CEP295NL: variants seen among roughly 807,000 people sequenced by gnomAD.
The protein encoded by CEP295NL is protein DDC8 homolog.
A neutral mutation model predicts 4.6 loss-of-function variants in CEP295NL; 3 were observed. The observed-to-expected ratio is 0.65, with a 90% CI of 0.30 to 1.69. The LOEUF is 1.69. Ranked by LOEUF, CEP295NL falls within the 40% of genes most tolerant of loss-of-function variation. The probability of loss-of-function intolerance (pLI) is 0.10; values close to 1 mark genes in which losing one functional copy is unlikely to be tolerated. For synonymous variants in CEP295NL, 295 were observed against 312.2 expected, an observed-to-expected ratio of 0.94 and a Z score of 0.58; for missense variants, 719 against 769.0, an observed-to-expected ratio of 0.93 and a Z score of 0.77.
chr17:78,892,109 A>G lies in CEP295NL; in HGVS notation c.395T>C (p.Leu132Pro). 6.4e-7 allele frequency: 1 copy of G among 1,551,590 alleles called. No homozygotes were observed. Among genetic ancestry groups the G allele is most frequent in the Non-Finnish European group, 8.7e-7 (1 of 1,147,646 alleles). ...CCAGCCCAACAGACGTGCTGACTGC[A>G]GCCTGTCCAGGCCACCGACGTGCAG... is the stretch of plus-strand genomic sequence containing the variant. ...QHLHVGGLDR[L>P]QSARLLGWGG... Residue 132 changes from leucine to proline, a missense_variant, in exon 3 of 3, where the codon CTG (leucine) becomes CCG (proline). Leu to Pro is a moderately conservative substitution (Grantham distance 98). Coordinates refer to ENST00000322630, the MANE Select transcript of CEP295NL (RefSeq NM_001243540.2).
chr17:78,899,103 T>C (rs2070048520), intron 2 of CEP295NL: 2 of 152,266 alleles, frequency 1.3e-5, no homozygotes, highest in African/African-American at 4.8e-5. Context: ...ACTCTGCATC[T>C]CTAAAGCGCT....
At chr17:78,893,875 G>T (rs1286398001) in intron 2 of CEP295NL, among the ~76,000 whole-genome samples, 1 of 152,122 alleles carries the variant, frequency 6.6e-6, no homozygotes. Flanking sequence ...AAAACAGTAC[G>T]GGATTGTGTC....
At chr17:78,894,077 T>A (rs747793456) in intron 2 of CEP295NL, among the ~76,000 whole-genome samples, 9 of 151,924 alleles carry the variant, frequency 5.9e-5, no homozygotes, top group Admixed American at 3.9e-4. Context: ...GTTGCAGGAG[T>A]CAGAAAATAC....
At chr17:78,897,198 T>A (rs532084491) in intron 2 of CEP295NL, 2 of 163,760 alleles carry the variant, frequency 1.2e-5, no homozygotes, top group African/African-American at 2.4e-5. Context: ...ATCACAGTCA[T>A]AGGGAGTGTG....
At chr17:78,897,794 C>T (rs1006436315) in intron 2 of CEP295NL, 1 of 152,244 alleles carries the variant, frequency 6.6e-6, no homozygotes, top group African/African-American at 2.4e-5. Flanking sequence ...AGACACGACA[C>T]AGGCCATACC....
rs7215038 is a variant in CEP295NL, at chr17:78,894,201, C to G, written c.45-1742G>C. ...TGAGATACGAAGCTCCTACCCCCCC[C>G]GGTTCACAGACAGGGAAACTGAGGC... is the stretch of plus-strand genomic sequence containing the variant. On this transcript the variant is annotated intron_variant, in intron 2 of 2. Coordinates refer to ENST00000322630, the MANE Select transcript of CEP295NL (RefSeq NM_001243540.2). Among the ~76,000 whole-genome samples the G allele has an allele frequency of 3.3e-5, 5 of 152,030 alleles. No homozygotes were observed. In the East Asian group the frequency reaches 7.7e-4, roughly 24 times the overall value.
intron 2 of CEP295NL, among the ~76,000 whole-genome samples, chr17:78,893,259 AGG>A (rs1491418018): frequency 5.0e-5 from 5 of 99,614 alleles, no homozygotes; most frequent in African/African-American, 1.9e-4. Flanking sequence ...GTGTGTGTGC[AGG>A]GGTGTGTGTG....
chr17:78,902,602 G>A (rs919164457), intron 1 of CEP295NL: 1 of 152,438 alleles, frequency 6.6e-6, no homozygotes, highest in Non-Finnish European at 1.5e-5. Flanking sequence ...CAGCCTCTGG[G>A]GGCAAGCTCG....
chr17:78,893,214 T>G lies in CEP295NL; in HGVS notation c.45-755A>C, dbSNP rs1288683622. ...GTGTGTGCAAGGATGTGTGTGCATG[T>G]GTGTGCAGGGGTGTGTGTGCATGTG... On this transcript the variant is annotated intron_variant, in intron 2 of 2. Transcript: ENST00000322630. 8.6e-4 allele frequency among the ~76,000 whole-genome samples: 114 copies of G among 132,966 alleles called. 2 individuals are homozygous for G. Among genetic ancestry groups the G allele is most frequent in the African/African-American group, 3.1e-3 (106 of 33,730 alleles). The allele number at this position is 132,966 out of a possible 152,430, so 87.2% of individuals were successfully genotyped here.
In CEP295NL at chr17:78,901,934, C is replaced by G. The variant is rs576778708; in HGVS notation, c.-98-8G>C. ...GTAGTGAGACGCCCATCACTGGAGG[C>G]ATCCGAACCAAGCCCAGATAAAACA... On this transcript the variant is annotated splice_region_variant and splice_polypyrimidine_tract_variant and intron_variant, in intron 1 of 2. Transcript: ENST00000322630. 36 of 608,886 alleles carry G rather than the reference C, an allele frequency of 5.9e-5. No individual in the cohort carries two copies. In the African/African-American group the frequency reaches 6.2e-4, roughly 10 times the overall value. 37.7% of individuals were successfully genotyped at this position (608,886 alleles called of 1,614,324 possible). A position where few individuals can be genotyped will look rare whatever the true frequency, so the allele number is the denominator to read the frequency against.
intron 1 of CEP295NL, among the ~76,000 whole-genome samples, chr17:78,902,462 C>A (rs139016248): frequency 6.6e-6 from 1 of 152,140 alleles, no homozygotes; most frequent in South Asian, 2.1e-4. Context: ...GGGTGGGTCA[C>A]GTTAGAATGA....
rs115966828 is a variant in CEP295NL, at chr17:78,891,023, T to C, written c.1481A>G (p.Asp494Gly). 2,208 of 1,551,210 alleles carry C rather than the reference T, an allele frequency of 1.4e-3. 27 individuals are homozygous for C. The African/African-American group carries it at 0.028, about 19-fold the overall frequency. The change falls in exon 3 of 3, where the codon GAC (aspartate) becomes GGC (glycine). Residue 494 changes from aspartate to glycine, a missense_variant. Physicochemically the swap from Asp to Gly is moderately conservative, Grantham distance 94. Transcript: ENST00000322630. The surrounding 1 kb of genome is among the most constrained non-coding windows in gnomAD (Gnocchi z 4.5). ...CCTGGATGCCGTCGAGCCCACTCTG[T>C]CTGCCTGGTCTTGAAGGTGGAGCTG... is the stretch of plus-strand genomic sequence containing the variant. ...SLQLHLQDQA[D>G]RVGSTASRQR...
chr17:78,900,003 CTCTG>C (rs1281602431), intron 2 of CEP295NL: 3 of 152,192 alleles, frequency 2.0e-5, no homozygotes, highest in Non-Finnish European at 2.9e-5. Flanking sequence ...TTAGACATTT[CTCTG>C]TCTAAGGCGC....
At chr17:78,892,502 C>T in intron 2 of CEP295NL, 43 bp from the exon 3 acceptor site, 5 of 1,507,622 alleles carry the variant, frequency 3.3e-6, no homozygotes, top group Non-Finnish European at 4.4e-6. Context: ...AGATCGCTCC[C>T]AGGAGAGTGA....
chr17:78,893,224 GGTGTGTGTGCATGT>G (rs2069935384), intron 2 of CEP295NL, among the ~76,000 whole-genome samples: 1 of 135,224 alleles, frequency 7.4e-6, no homozygotes. Context: ...TGTGTGCAGG[GGTGTGTGTGCATGT>G]GTGTGTAGGA....
chr17:78,892,267 C>T lies in CEP295NL; in HGVS notation c.237G>A (p.Lys79=), dbSNP rs1272814833. The change falls in exon 3 of 3, where the codon AAG becomes AAA. Residue 79 remains lysine, a synonymous_variant. Transcript: ENST00000322630. ...TGCCCCGGGCTTGTAGCAATTTGTG[C>T]TTTTTCCTCCAAAGCAGGTCTTCGT... The part of the protein sequence containing the change: ...PDNEDLLWRK[K]HKLLQARGKG... The T allele has an allele frequency of 2.6e-6, 4 of 1,550,814 alleles. 1 individual carries two copies. Among genetic ancestry groups the T allele is most frequent in the Middle Eastern group, 3.3e-4 (2 of 5,992 alleles).
At chr17:78,897,136 A>C (rs990635402) in intron 2 of CEP295NL, 1 of 304,796 alleles carries the variant, frequency 3.3e-6, no homozygotes, top group Admixed American at 6.5e-5. Flanking sequence ...CCTCCGAAGG[A>C]GACTCCAGGC....
chr17:78,893,319 G>A (rs2069940821), intron 2 of CEP295NL, among the ~76,000 whole-genome samples: 1 of 146,948 alleles, frequency 6.8e-6, no homozygotes, highest in Non-Finnish European at 1.5e-5. Flanking sequence ...ATGTGCAAGG[G>A]TGTGTGTGTC....
chr17:78,890,992 C>A lies in CEP295NL; in HGVS notation c.1512G>T (p.Arg504Ser), dbSNP rs1264840219. ...TTCTCTGCTCCATCTCTGCTTTCTG[C>A]CTTTGCCTGGATGCCGTCGAGCCCA... ...DRVGSTASRQ[R>S]QKAEMEQRRQ... Residue 504 changes from arginine (R) to serine (S), a missense_variant, in exon 3 of 3, where the codon AGG becomes AGT. Physicochemically the swap from Arg to Ser is moderately radical, Grantham distance 110 (BLOSUM62 -1). Transcript: ENST00000322630. The A allele has an allele frequency of 7.7e-6, 12 of 1,551,218 alleles. No individual in the cohort carries two copies. The highest frequency in any genetic ancestry group is 1.0e-5 in the Non-Finnish European group (12 of 1,147,138).
Sources: allele counts gnomAD v4.1 joint callset (sites outside exome capture counted in the v4.1 genomes callset), GRCh38; gene constraint gnomAD v4.1.1; non-coding constraint Gnocchi (gnomAD v3.1); transcripts MANE v1.5; gene names NCBI Gene and HGNC (gene_info 2026-07-23, HGNC 2026-07-21).